INTS8: variants seen among roughly 807,000 people sequenced by gnomAD.
The protein encoded by INTS8 is integrator complex subunit 8, also known as protein kaonashi-1.
A neutral mutation model predicts 138.9 loss-of-function variants in INTS8; 47 were observed. That is an observed-to-expected ratio of 0.34 (90% CI 0.27 to 0.43). INTS8 has a LOEUF of 0.43. Ranked by LOEUF, INTS8 falls within the 20% of genes least tolerant of loss-of-function variation. The pLI, the probability that INTS8 is intolerant of heterozygous loss-of-function variation, is 1.00. For missense variants in INTS8, 996 were observed against 1,173.0 expected (o/e 0.85, Z 2.20); for synonymous variants, 392 against 400.9 (o/e 0.98, Z 0.27).
chr8:94,834,730 A>T (rs977350548), intron 6 of INTS8, among the ~76,000 whole-genome samples: 5 of 152,026 alleles, frequency 3.3e-5, no homozygotes, highest in African/African-American at 9.7e-5. Flanking sequence ...AGTCAGCCAA[A>T]CATGTAGTGT....
In INTS8 at chr8:94,870,581, A is replaced by G. The variant is rs181332568; in HGVS notation, c.2415-1303A>G. On this transcript the variant is annotated intron_variant, in intron 20 of 26. Coordinates refer to ENST00000523731, the MANE Select transcript of INTS8 (RefSeq NM_017864.4). ...ACGTTTTTAAAACCAACTACTTGAT[A>G]TATAGAATTCTTACACTTGTAACAT... is the stretch of plus-strand genomic sequence containing the variant. 5.0e-3 allele frequency among the ~76,000 whole-genome samples: 761 copies of G among 152,366 alleles called. 30 individuals carry two copies. Among genetic ancestry groups the G allele is most frequent in the Admixed American group, 0.045 (684 of 15,306 alleles).
At chr8:94,868,825 C>T (rs565194383) in intron 20 of INTS8, 1 of 152,120 alleles carries the variant, frequency 6.6e-6, no homozygotes, top group East Asian at 1.9e-4. Flanking sequence ...TGCATGCCAC[C>T]ACCCCCAGCT....
intron 23 of INTS8, among the ~76,000 whole-genome samples, chr8:94,875,119 G>A (rs568264599): frequency 6.6e-6 from 1 of 152,194 alleles, no homozygotes; most frequent in East Asian, 1.9e-4. Flanking sequence ...TTCACTCCTA[G>A]GTGTATACCC....
chr8:94,856,969 A>G lies in INTS8; in HGVS notation c.1945A>G (p.Arg649Gly). 1 of 1,613,414 alleles carries G rather than the reference A, an allele frequency of 6.2e-7. No individual in the cohort carries two copies. Among genetic ancestry groups the G allele is most frequent in the Non-Finnish European group, 8.5e-7 (1 of 1,179,516 alleles). ...ISRVRGYLEM[R>G]LPDIPLRQVI... is the part of the protein sequence containing the mutation. ...TAGAGTACGAGGCTATCTGGAAATG[A>G]GGCTTCCTGGTAAGACTGGTTCACA... The change falls in exon 15 of 27, where the codon AGG (arginine) becomes GGG (glycine). Residue 649 changes from arginine (R) to glycine (G), a missense_variant. Physicochemically the swap from Arg to Gly is moderately radical, Grantham distance 125. Transcript: ENST00000523731.
At chr8:94,858,112 C>T (rs1490025703) in intron 15 of INTS8, among the ~76,000 whole-genome samples, 2 of 152,206 alleles carry the variant, frequency 1.3e-5, no homozygotes, top group Non-Finnish European at 2.9e-5. Flanking sequence ...ATCTACGACA[C>T]ATAAATCTTT....
At chr8:94,863,572 A>G (rs994355866) in intron 16 of INTS8, among the ~76,000 whole-genome samples, 7 of 152,212 alleles carry the variant, frequency 4.6e-5, no homozygotes, top group African/African-American at 1.2e-4. Flanking sequence ...TGTCTTCTCT[A>G]TAAGACAATG....
chr8:94,842,896 C>G (rs752659276), intron 10 of INTS8, among the ~76,000 whole-genome samples: 7 of 152,188 alleles, frequency 4.6e-5, no homozygotes, highest in Non-Finnish European at 7.3e-5. Flanking sequence ...TGTGTTTCTA[C>G]TGGATCACTC....
intron 13 of INTS8, among the ~76,000 whole-genome samples, 166 bp from the exon 14 acceptor site, chr8:94,853,639 G>A (rs1563657594): frequency 6.6e-6 from 1 of 152,030 alleles, no homozygotes; most frequent in African/African-American, 2.4e-5. Flanking sequence ...TAGCGAATGT[G>A]TTCATTTTCG....
At position 94,851,663 on chromosome 8, in the gene INTS8, C is replaced by A. The variant is rs139630930; in HGVS notation, c.1618C>A (p.Gln540Lys). 11 of 1,595,662 alleles carry A rather than the reference C, an allele frequency of 6.9e-6. No individual in the cohort carries two copies. The African/African-American group carries it at 1.5e-4, about 22-fold the overall frequency. Residue 540 changes from glutamine to lysine, a missense_variant, in exon 13 of 27, where the codon CAG becomes AAG. Gln to Lys is a moderately conservative substitution (Grantham distance 53). Transcript: ENST00000523731. ...IELHGMTSER[Q>K]FWTVSNKWEV... Reference sequence around the variant, plus strand: ...ATTACATGGTATGACTTCAGAGCGCCAGTTCTGGACAGTGTCTAATAAGGT... The same window carrying A: ...ATTACATGGTATGACTTCAGAGCGCAAGTTCTGGACAGTGTCTAATAAGGT...
Position 94,879,468 on chromosome 8 carries a change from G to A in INTS8, c.2872-650G>A, listed in dbSNP as rs1313116331. On this transcript the variant is annotated intron_variant, in intron 26 of 26. Coordinates refer to ENST00000523731, the MANE Select transcript of INTS8 (RefSeq NM_017864.4). Reference sequence around the variant, plus strand: ...AAATTAGACGGACGAGATGGCGGGCGTCTGTAATCCCAGCTACTTGGGAGG... The same window carrying A: ...AAATTAGACGGACGAGATGGCGGGCATCTGTAATCCCAGCTACTTGGGAGG... 5.3e-5 allele frequency among the ~76,000 whole-genome samples: 8 copies of A among 151,888 alleles called. No individual in the cohort carries two copies. The East Asian group carries it at 1.2e-3, about 22-fold the overall frequency.
chr8:94,832,152 A>C lies in INTS8; in HGVS notation c.731A>C (p.Lys244Thr), dbSNP rs1033678962. 6.8e-6 allele frequency: 11 copies of C among 1,611,996 alleles called. No individual in the cohort carries two copies. The change falls in exon 6 of 27, where the codon AAA becomes ACA. Residue 244 changes from lysine to threonine, a missense_variant. Coordinates refer to ENST00000523731, the MANE Select transcript of INTS8 (RefSeq NM_017864.4). ...TESSTAGLKV[K>T]TEEMQCQVCY... Reference sequence around the variant, plus strand: ...AGTTCTACTGCTGGATTGAAAGTCAAAACCGAAGAAATGCAGTGCCAGGTA... The same window carrying C: ...AGTTCTACTGCTGGATTGAAAGTCACAACCGAAGAAATGCAGTGCCAGGTA...
intron 21 of INTS8, 103 bp downstream of exon 21, chr8:94,872,105 G>T: frequency 3.3e-6 from 2 of 607,408 alleles, no homozygotes; most frequent in Non-Finnish European, 5.8e-6. Flanking sequence ...GTTTTGTTGA[G>T]ATTTACTTGT....
intron 9 of INTS8, among the ~76,000 whole-genome samples, chr8:94,842,088 A>AG (rs34865970): frequency 5.3e-5 from 8 of 151,474 alleles, no homozygotes; most frequent in Admixed American, 2.6e-4. Flanking sequence ...AAAAAAAAAA[A>AG]CTGCTTGGGA....
Position 94,880,430 on chromosome 8 carries a change from C to T in INTS8, c.*196C>T. ...CGTAACAATAAATGTATAGTTTCTT[C>T]AAAGGGAGAAGAGATTCACATATCT... On this transcript the variant is annotated 3_prime_UTR_variant, in exon 27 of 27. Coordinates refer to ENST00000523731, the MANE Select transcript of INTS8 (RefSeq NM_017864.4). 2.8e-6 allele frequency: 1 copy of T among 362,580 alleles called. No homozygotes were observed. The highest frequency in any genetic ancestry group is 4.9e-6 in the Non-Finnish European group (1 of 203,350). 22.5% of individuals were successfully genotyped at this position (362,580 alleles called of 1,614,324 possible).
At chr8:94,865,993 CAG>C (rs1225943557) in intron 17 of INTS8, among the ~76,000 whole-genome samples, 163 bp from the exon 18 acceptor site, 1 of 152,166 alleles carries the variant, frequency 6.6e-6, no homozygotes, top group Non-Finnish European at 1.5e-5. Context: ...GTGATTAAAA[CAG>C]GGAAGAAATG....
intron 18 of INTS8, 26 bp downstream of exon 18, chr8:94,866,217 AT>A: frequency 8.5e-7 from 1 of 1,182,490 alleles, no homozygotes; most frequent in Non-Finnish European, 1.2e-6. Context: ...AATTGCTCTA[AT>A]TACTATTGCT....
chr8:94,849,594 A>C, intron 11 of INTS8, 62 bp downstream of exon 11: 1 of 997,908 alleles, frequency 1.0e-6, no homozygotes, highest in Non-Finnish European at 1.5e-6. Flanking sequence ...CCTGTGAACA[A>C]AATATCTGTA....
chr8:94,871,908 T>C lies in INTS8; in HGVS notation c.2439T>C (p.Ala813=), dbSNP rs1188759246. The change falls in exon 21 of 27, where the codon GCT becomes GCC. Residue 813 remains alanine, a synonymous_variant. Coordinates refer to ENST00000523731, the MANE Select transcript of INTS8 (RefSeq NM_017864.4). ...IPNLQSVDFE[A]VAITVKELVR... The stretch of plus-strand genomic sequence containing the variant: ...GCCTCCAGTCTGTGGACTTTGAAGC[T>C]GTGGCAATCACAGTGAAAGAGCTAG... The C allele has an allele frequency of 3.1e-6, 5 of 1,601,166 alleles. No homozygotes were observed. Among genetic ancestry groups the C allele is most frequent in the Non-Finnish European group, 2.6e-6 (3 of 1,169,178 alleles).
chr8:94,850,041 C>T lies in INTS8; in HGVS notation c.1457C>T (p.Pro486Leu). The change falls in exon 12 of 27, where the codon CCT becomes CTT. Residue 486 changes from proline to leucine, a missense_variant. Physicochemically the swap from Pro to Leu is moderately conservative, Grantham distance 98 (BLOSUM62 -3). Coordinates refer to ENST00000523731, the MANE Select transcript of INTS8 (RefSeq NM_017864.4). ...GTTGATCAGATGAGGAAGAGATCCC[C>T]TAGAGTAAATCTGTGCATTAAACCT... ...LLVDQMRKRS[P>L]RVNLCIKPVT... 1 of 1,613,244 alleles carries T rather than the reference C, an allele frequency of 6.2e-7. No individual in the cohort carries two copies. Among genetic ancestry groups the T allele is most frequent in the South Asian group, 1.1e-5 (1 of 90,902 alleles).
Sources: allele counts gnomAD v4.1 joint callset (sites outside exome capture counted in the v4.1 genomes callset), GRCh38; gene constraint gnomAD v4.1.1; transcripts MANE v1.5; gene names NCBI Gene and HGNC (gene_info 2026-07-23, HGNC 2026-07-21).